KLHDC1: variants seen among roughly 807,000 people sequenced by gnomAD.
The protein encoded by KLHDC1 is kelch domain containing 1.
In KLHDC1, 53 loss-of-function variants were observed where a neutral mutation model predicts 68.3. The observed-to-expected ratio is 0.78, with a 90% confidence interval of 0.62 to 0.98. The LOEUF (loss-of-function observed/expected upper bound fraction) is 0.98. Ranked by LOEUF, KLHDC1 falls within the 50% of genes least tolerant of loss-of-function variation. The pLI is 0.00. For synonymous variants in KLHDC1, 148 were observed against 159.0 expected, an observed-to-expected ratio of 0.93 and a Z score of 0.52; for missense variants, 470 against 492.3, an observed-to-expected ratio of 0.95 and a Z score of 0.43.
intron 4 of KLHDC1, among the ~76,000 whole-genome samples, chr14:49,710,972 A>C (rs1888182106): frequency 1.3e-5 from 2 of 150,616 alleles, no homozygotes; most frequent in Non-Finnish European, 3.0e-5. Context: ...CTCCCCTTTT[A>C]TTTCTTTCCT....
intron 1 of KLHDC1, among the ~76,000 whole-genome samples, chr14:49,693,748 C>CTTTTTCTTTTTTTTTTTTTTTTTT (rs1555337323): frequency 1.6e-5 from 1 of 61,540 alleles, no homozygotes; most frequent in Non-Finnish European, 3.4e-5. Context: ...TTTTCTTTTT[C>CTTTTTCTTTTTTTTTTTTTTTTTT]TTTTTTTTTT....
chr14:49,721,930 C>G (rs1888535772), intron 4 of KLHDC1, among the ~76,000 whole-genome samples: 1 of 152,158 alleles, frequency 6.6e-6, no homozygotes, highest in Non-Finnish European at 1.5e-5. Context: ...AAATATTTGG[C>G]ATGCCCCTGA....
At position 49,721,740 on chromosome 14, in the gene KLHDC1, C is replaced by T. The variant is rs150962658; in HGVS notation, c.405-2134C>T. 5.2e-3 allele frequency among the ~76,000 whole-genome samples: 784 copies of T among 152,222 alleles called. 3 individuals are homozygous for T. Among genetic ancestry groups the T allele is most frequent in the African/African-American group, 0.016 (678 of 41,534 alleles). ...GCAGCTGTGCTTCACAGCTGCGTTC[C>T]TACCTCTCAGAACTGTGGGAGATCT... On this transcript the variant is annotated intron_variant, in intron 4 of 12. Transcript: ENST00000359332.
intron 6 of KLHDC1, 71 bp from the exon 7 acceptor site, chr14:49,728,855 C>T: frequency 9.3e-7 from 1 of 1,070,940 alleles, no homozygotes; most frequent in Non-Finnish European, 1.4e-6. Flanking sequence ...CTTTCACATA[C>T]TGAGCATAGG....
Position 49,728,954 on chromosome 14 carries a change from C to T in KLHDC1, c.596C>T (p.Ala199Val), listed in dbSNP as rs200431928. The change falls in exon 7 of 13, where the codon GCG (alanine) becomes GTG (valine). Residue 199 changes from alanine (A) to valine (V), a missense_variant. By Grantham distance (64) the Ala-to-Val change is moderately conservative. Transcript: ENST00000359332. ...KGGVPPQPRA[A>V]HTCAVLGNKG... ...GGAGTTCCACCACAGCCACGAGCCG[C>T]GCATACATGTGCAGTTCTTGGAAAT... 121 of 1,613,560 alleles carry T rather than the reference C, an allele frequency of 7.5e-5. No homozygotes were observed. Among genetic ancestry groups the T allele is most frequent in the Middle Eastern group, 1.6e-4 (1 of 6,084 alleles).
intron 1 of KLHDC1, among the ~76,000 whole-genome samples, 169 bp downstream of exon 1, chr14:49,693,459 G>C (rs978316982): frequency 6.6e-6 from 1 of 151,844 alleles, no homozygotes; most frequent in African/African-American, 2.4e-5. Context: ...CCGCGCCAGG[G>C]CTTGACGTCG....
chr14:49,736,612 A>G (rs963430888), intron 10 of KLHDC1, among the ~76,000 whole-genome samples: 3 of 152,162 alleles, frequency 2.0e-5, no homozygotes, highest in African/African-American at 4.8e-5. Flanking sequence ...ATTTTGTACA[A>G]ATTTTTCAAG....
At chr14:49,738,606 C>T (rs945816735) in intron 10 of KLHDC1, among the ~76,000 whole-genome samples, 4 of 152,144 alleles carry the variant, frequency 2.6e-5, no homozygotes, top group Admixed American at 6.5e-5. Flanking sequence ...CCTCAGCCTC[C>T]CAAAGTGATG....
At chr14:49,712,132 A>G (rs896362229) in intron 4 of KLHDC1, among the ~76,000 whole-genome samples, 3 of 151,448 alleles carry the variant, frequency 2.0e-5, no homozygotes, top group Admixed American at 6.6e-5. Context: ...GTTAGCCAGG[A>G]TGGTCTCGAT....
chr14:49,695,115 GATGTGTGTGTGT>G (rs1470426094), intron 1 of KLHDC1, among the ~76,000 whole-genome samples: 35 of 22,926 alleles, frequency 1.5e-3, no homozygotes, highest in African/African-American at 4.4e-3. Context: ...ATGCAGTTTT[GATGTGTGTGTGT>G]GTGTGTGTGT....
chr14:49,730,899 G>A (rs922232893), intron 8 of KLHDC1, among the ~76,000 whole-genome samples: 2 of 152,178 alleles, frequency 1.3e-5, no homozygotes, highest in Non-Finnish European at 2.9e-5. Context: ...TTGAACCCGG[G>A]AGGTGGAGGT....
At chr14:49,709,089 A>C in intron 1 of KLHDC1, 70 bp from the exon 2 acceptor site, 1 of 676,358 alleles carries the variant, frequency 1.5e-6, no homozygotes, top group Non-Finnish European at 2.6e-6. Context: ...AATTTTTCTC[A>C]TCCTGAGAAG....
At position 49,740,177 on chromosome 14, in the gene KLHDC1, G is replaced by A; in HGVS notation, c.976G>A (p.Asp326Asn). The part of the protein sequence containing the change: ...GGSKDDLLAL[D>N]TGHCNDLLIF... Reference sequence around the variant, plus strand: ...GAGCAAAGATGACTTACTTGCCTTGGATACAGTAAGAAAATCTTATATCTA... The same window carrying A: ...GAGCAAAGATGACTTACTTGCCTTGAATACAGTAAGAAAATCTTATATCTA... Residue 326 changes from aspartate to asparagine, a missense_variant, in exon 11 of 13, where the codon GAT becomes AAT. Transcript: ENST00000359332. 6.3e-7 allele frequency: 1 copy of A among 1,575,424 alleles called. No homozygotes were observed. The highest frequency in any genetic ancestry group is 8.7e-7 in the Non-Finnish European group (1 of 1,147,820).
At chr14:49,734,737 T>G in intron 10 of KLHDC1, 76 bp downstream of exon 10, 2 of 670,444 alleles carry the variant, frequency 3.0e-6, no homozygotes, top group Non-Finnish European at 4.8e-6. Flanking sequence ...GAATTTATAG[T>G]GTTTGCCATT....
At chr14:49,742,980 G>A (rs1051710114) in intron 11 of KLHDC1, among the ~76,000 whole-genome samples, 1 of 150,118 alleles carries the variant, frequency 6.7e-6, no homozygotes, top group Non-Finnish European at 1.5e-5. Flanking sequence ...GCTGAGGTTG[G>A]AGGATGGCTT....
chr14:49,741,727 T>TTTGGA (rs1889070630), intron 11 of KLHDC1, among the ~76,000 whole-genome samples: 1 of 152,194 alleles, frequency 6.6e-6, no homozygotes, highest in Non-Finnish European at 1.5e-5. Context: ...ATGAGTAGCA[T>TTTGGA]TTGGAGAGTA....
At chr14:49,711,733 T>C (rs1181344135) in intron 4 of KLHDC1, among the ~76,000 whole-genome samples, 1 of 152,092 alleles carries the variant, frequency 6.6e-6, no homozygotes, top group East Asian at 1.9e-4. Context: ...TTTAAGGGTT[T>C]TCTTCATTGC....
At chr14:49,747,814 A>C (rs1889235284) in intron 12 of KLHDC1, among the ~76,000 whole-genome samples, 1 of 152,144 alleles carries the variant, frequency 6.6e-6, no homozygotes, top group South Asian at 2.1e-4. Context: ...CATAGCTGAG[A>C]AACATGGCTT....
intron 1 of KLHDC1, among the ~76,000 whole-genome samples, chr14:49,705,758 A>G (rs1283421124): frequency 9.9e-5 from 15 of 152,074 alleles, no homozygotes; most frequent in Non-Finnish European, 2.1e-4. Context: ...TCCCCTTCTT[A>G]TAATTATTTG....
Sources: gnomAD v4.1 joint callset for allele counts (sites outside exome capture counted in the v4.1 genomes callset) on GRCh38, gnomAD v4.1.1 for gene constraint, MANE v1.5 for transcripts, NCBI Gene and HGNC (gene_info 2026-07-23, HGNC 2026-07-21) for gene names.